DOCK6: variants seen among roughly 807,000 people sequenced by gnomAD.
The protein encoded by DOCK6 is dedicator of cytokinesis protein 6.
In DOCK6, 167 loss-of-function variants were observed where a neutral mutation model predicts 230.3. That is an observed-to-expected ratio of 0.73 (90% confidence interval 0.64 to 0.82). The LOEUF (loss-of-function observed/expected upper bound fraction) is 0.82. Among genes scored for constraint, DOCK6 ranks in the 40% least tolerant of loss-of-function variants. DOCK6 has a pLI of 0.00. For synonymous variants in DOCK6, 1,148 were observed against 1,185.0 expected (o/e 0.97, Z 0.64); for missense variants, 2,598 against 2,825.8 (o/e 0.92, Z 1.83).
intron 14 of DOCK6, among the ~76,000 whole-genome samples, chr19:11,241,265 T>C (rs1226612442): frequency 1.3e-5 from 2 of 151,688 alleles, no homozygotes; most frequent in African/African-American, 2.4e-5. Context: ...CCATAGGATG[T>C]TCATCACCTC....
At chr19:11,224,314 G>A (rs1411892740) in intron 24 of DOCK6, among the ~76,000 whole-genome samples, 1 of 151,038 alleles carries the variant, frequency 6.6e-6, no homozygotes, top group African/African-American at 2.4e-5. Flanking sequence ...GGGTTCAAGC[G>A]ATTCTCCTGC....
chr19:11,234,075 C>G (rs2079810640), intron 21 of DOCK6, among the ~76,000 whole-genome samples: 1 of 152,030 alleles, frequency 6.6e-6, no homozygotes, highest in Admixed American at 6.6e-5. Context: ...TCTTGGCTCA[C>G]TGCAACCTCC....
intron 39 of DOCK6, chr19:11,206,093 A>C (rs1405590649): frequency 2.0e-5 from 3 of 152,224 alleles, no homozygotes; most frequent in Non-Finnish European, 2.9e-5. Flanking sequence ...CCAAAATGTG[A>C]GGAACTGAGA....
At chr19:11,252,705 A>AGCT in intron 3 of DOCK6, 78 bp downstream of exon 3, 11 of 1,596,576 alleles carry the variant, frequency 6.9e-6, no homozygotes, top group Non-Finnish European at 8.6e-6. Flanking sequence ...CCAAGCCAGG[A>AGCT]GCTGAAGTCG....
chr19:11,237,738 G>A lies in DOCK6; in HGVS notation c.1874C>T (p.Ala625Val). The change falls in exon 17 of 48, where the codon GCC becomes GTC. Residue 625 changes from alanine (A) to valine (V), a missense_variant. Coordinates refer to ENST00000294618, the MANE Select transcript of DOCK6 (RefSeq NM_020812.4). ...FYEEFKLHLP[A>V]CVTENHHLLF... ...CAGGTGATGGTTCTCTGTCACGCAG[G>A]CTGGAAGATGCAGCTTGAACTCCTC... is the stretch of plus-strand genomic sequence containing the variant. The A allele has an allele frequency of 6.3e-7, 1 of 1,578,596 alleles. No homozygotes were observed. Among genetic ancestry groups the A allele is most frequent in the Non-Finnish European group, 8.6e-7 (1 of 1,162,818 alleles).
At chr19:11,237,354 A>G in intron 18 of DOCK6, 102 bp downstream of exon 18, 3 of 1,313,106 alleles carry the variant, frequency 2.3e-6, no homozygotes, top group Non-Finnish European at 2.2e-6. Flanking sequence ...AGGCACCAGT[A>G]GAGGATAACA....
intron 23 of DOCK6, 103 bp from the exon 24 acceptor site, chr19:11,227,580 G>GGCTGTGGGTGGGGCTTGAAGT: frequency 7.1e-7 from 1 of 1,405,770 alleles, no homozygotes. Context: ...GGGCTTGAAG[G>GGCTGTGGGTGGGGCTTGAAGT]ACTGTGGGTG....
chr19:11,242,356 C>T (rs1305150929), intron 13 of DOCK6, 149 bp from the exon 14 acceptor site: 3 of 809,220 alleles, frequency 3.7e-6, no homozygotes, highest in Middle Eastern at 3.5e-4. Flanking sequence ...AGAAATTGCC[C>T]TCAACTCTGC....
At position 11,252,767 on chromosome 19, in the gene DOCK6, G is replaced by T. The variant is rs372566931; in HGVS notation, c.308+16C>A. ...GAGTGGAATCACAGGCAGAGAGGGC[G>T]TGGGGCTGAACCCACTCATCCTTGG... On this transcript the variant is annotated intron_variant, in intron 3 of 47. Transcript: ENST00000294618. The T allele has an allele frequency of 1.2e-6, 2 of 1,602,230 alleles. No homozygotes were observed. The highest frequency in any genetic ancestry group is 1.7e-6 in the Non-Finnish European group (2 of 1,172,170).
intron 22 of DOCK6, among the ~76,000 whole-genome samples, chr19:11,232,499 C>A (rs1346628303): frequency 1.3e-5 from 2 of 152,128 alleles, no homozygotes; most frequent in Non-Finnish European, 2.9e-5. Flanking sequence ...TGCATACACA[C>A]CCCTGTAAGT....
At chr19:11,221,788 TC>T (rs2079581723) in intron 28 of DOCK6, 62 bp downstream of exon 28, 1 of 1,610,886 alleles carries the variant, frequency 6.2e-7, no homozygotes, top group Non-Finnish European at 8.5e-7. Flanking sequence ...ACCTTTACTA[TC>T]CTGTGCCTTC....
At chr19:11,223,482 C>T (rs1277692864) in intron 24 of DOCK6, among the ~76,000 whole-genome samples, 1 of 152,022 alleles carries the variant, frequency 6.6e-6, no homozygotes, top group Non-Finnish European at 1.5e-5. Context: ...AGGTGGGTGC[C>T]GGGGAACTGC....
intron 28 of DOCK6, among the ~76,000 whole-genome samples, chr19:11,217,770 AAAAAG>A (rs1273909827): frequency 1.3e-5 from 2 of 151,646 alleles, no homozygotes; most frequent in East Asian, 3.9e-4. Context: ...AAAAAAAAAA[AAAAAG>A]AAGTCTTCCC....
At chr19:11,245,971 G>C in intron 7 of DOCK6, 93 bp from the exon 8 acceptor site, 1 of 1,418,390 alleles carries the variant, frequency 7.1e-7, no homozygotes, top group Non-Finnish European at 9.7e-7. Flanking sequence ...GGGGGCATCT[G>C]ACTCCCACTG....
chr19:11,258,480 T>C (rs558728744), intron 1 of DOCK6, among the ~76,000 whole-genome samples: 1 of 151,960 alleles, frequency 6.6e-6, no homozygotes, highest in East Asian at 1.9e-4. Context: ...TCGTCCAGGC[T>C]GGAGTGCAGT....
rs1215047439 is a variant in DOCK6, at chr19:11,199,405, C to T, written c.*92G>A. On this transcript the variant is annotated 3_prime_UTR_variant, in exon 48 of 48. Transcript: ENST00000294618. ...CAAGTACAGTGTGGTCACCCCACAG[C>T]CCAGTGGGCACCAGGGCAGACTCCC... The T allele has an allele frequency of 1.4e-6, 2 of 1,472,442 alleles. No individual in the cohort carries two copies. Among genetic ancestry groups the T allele is most frequent in the Middle Eastern group, 1.8e-4 (1 of 5,440 alleles). 91.2% of individuals were successfully genotyped at this position (1,472,442 alleles called of 1,614,324 possible). A position where few individuals can be genotyped will look rare whatever the true frequency, so the allele number is the denominator to read the frequency against.
In DOCK6 at chr19:11,216,268, C is replaced by T. The variant is rs560084695; in HGVS notation, c.3895-341G>A. ...ATGCTCAGGTAATTTTTGTATTTTT[C>T]GTAGAGATGGGGTTTTACCATGCTG... On this transcript the variant is annotated intron_variant, in intron 30 of 47. Transcript: ENST00000294618. The T allele has an allele frequency of 1.4e-4, 27 of 194,170 alleles. No individual in the cohort carries two copies. In the East Asian group the frequency reaches 3.0e-3, roughly 21 times the overall value. The allele number at this position is 194,170 out of a possible 1,614,324, so 12.0% of individuals were successfully genotyped here. A position where few individuals can be genotyped will look rare whatever the true frequency, so the allele number is the denominator to read the frequency against.
rs1429695214 is a variant in DOCK6 at position 11,221,888 on chromosome 19, A to G, written c.3513T>C (p.Ile1171=). The change falls in exon 28 of 48, where the codon ATT becomes ATC. Residue 1171 remains isoleucine (I), a synonymous_variant. Transcript: ENST00000294618. The stretch of plus-strand genomic sequence containing the variant: ...GCAGCCGTGGCAAGGTATCCCGTGC[A>G]ATCGATAGCAGTGGCAGGTACAGCT... The part of the protein sequence containing the change: ...VAELYLPLLS[I]ARDTLPRLHD... The G allele has an allele frequency of 6.2e-7, 1 of 1,613,802 alleles. No homozygotes were observed. Among genetic ancestry groups the G allele is most frequent in the South Asian group, 1.1e-5 (1 of 91,080 alleles).
At chr19:11,231,624 G>A (rs1184900946) in intron 22 of DOCK6, among the ~76,000 whole-genome samples, 4 of 152,174 alleles carry the variant, frequency 2.6e-5, no homozygotes, top group Admixed American at 6.6e-5. Context: ...AAAATTTGGA[G>A]TGTTATCTCC....
Sources: allele counts gnomAD v4.1 joint callset (sites outside exome capture counted in the v4.1 genomes callset), GRCh38; gene constraint gnomAD v4.1.1; transcripts MANE v1.5; gene names NCBI Gene and HGNC (gene_info 2026-07-23, HGNC 2026-07-21).